The following CCDC149 variants were observed in gnomAD, a reference collection of about 807,000 sequenced individuals.
CCDC149 encodes the protein coiled-coil domain-containing protein 149.
In CCDC149, 45 loss-of-function variants were observed where a neutral mutation model predicts 59.9. The observed-to-expected ratio is 0.75, with a 90% confidence interval of 0.59 to 0.96. CCDC149 has a LOEUF of 0.96. CCDC149 is among the 40% of genes least tolerant of loss of function. CCDC149 has a pLI of 0.00. For missense variants in CCDC149, 584 were observed against 664.7 expected, an observed-to-expected ratio of 0.88 and a Z score of 1.33; for synonymous variants, 245 against 260.6, an observed-to-expected ratio of 0.94 and a Z score of 0.58.
chr4:24,808,749 AG>A lies in CCDC149; in HGVS notation c.1262del (p.Ala421ValfsTer34). Reference sequence around the variant, plus strand: ...CTGGGGAGTTGACAGCGGGCCTCCCAGCATCCTCAGGCGCTGTCAACGCCTC... The same window carrying A: ...CTGGGGAGTTGACAGCGGGCCTCCCACATCCTCAGGCGCTGTCAACGCCTC... On this transcript the variant is annotated frameshift_variant, in exon 13 of 13. Coordinates refer to ENST00000635206, the MANE Select transcript of CCDC149 (RefSeq NM_001330643.2). LOFTEE classifies it low-confidence loss of function (END_TRUNC). 1 of 1,552,006 alleles carries A rather than the reference AG, an allele frequency of 6.4e-7. No individual in the cohort carries two copies. Among genetic ancestry groups the A allele is most frequent in the South Asian group, 1.2e-5 (1 of 84,064 alleles).
intron 1 of CCDC149, among the ~76,000 whole-genome samples, chr4:24,905,927 C>A (rs192977056): frequency 2.6e-5 from 4 of 152,322 alleles, no homozygotes; most frequent in African/African-American, 9.6e-5. Flanking sequence ...CCTGGACTTG[C>A]CCCTTCTCTC....
At chr4:24,839,501 C>T (rs59514139) in intron 4 of CCDC149, among the ~76,000 whole-genome samples, 2,187 of 152,280 alleles carry the variant, frequency 0.014, 51 homozygotes, top group African/African-American at 0.049. Flanking sequence ...CTTTTAAAAT[C>T]TTCATTCACT....
chr4:24,952,595 CAAAAAAAAAAAAAAAAAA>C (rs869310845), intron 1 of CCDC149, among the ~76,000 whole-genome samples: 233 of 41,362 alleles, frequency 5.6e-3, no homozygotes, highest in Non-Finnish European at 7.4e-3. Context: ...AACTCCATCT[CAAAAAAAAAAAAAAAAAA>C]AAAAAAAAAA....
At chr4:24,833,611 G>A (rs535370573) in intron 8 of CCDC149, among the ~76,000 whole-genome samples, 53 of 151,492 alleles carry the variant, frequency 3.5e-4, no homozygotes, top group Non-Finnish European at 6.4e-4. Flanking sequence ...GCAACAGAGT[G>A]AGACTGTCTC....
In CCDC149 at chr4:24,878,597, C is replaced by T. The variant is rs184435209; in HGVS notation, c.64-1900G>A. On this transcript the variant is annotated intron_variant, in intron 1 of 12. Transcript: ENST00000635206. ...GCCCTTGTTCCTCCAGTTCTTTTCC[C>T]GTAATCAGCACCCTTGGTTGTCAGC... Among the ~76,000 whole-genome samples the T allele has an allele frequency of 6.2e-4, 95 of 152,302 alleles. 1 individual carries two copies. The South Asian group carries it at 0.018, about 29-fold the overall frequency.
At chr4:24,876,384 T>G in intron 2 of CCDC149, 152 bp downstream of exon 2, 5 of 689,636 alleles carry the variant, frequency 7.3e-6, no homozygotes, top group East Asian at 2.8e-5. Context: ...ACTGGGTTGT[T>G]GAGGAAATAG....
chr4:24,964,640 G>A (rs1002522208), intron 1 of CCDC149, among the ~76,000 whole-genome samples: 1 of 152,126 alleles, frequency 6.6e-6, no homozygotes, highest in Admixed American at 6.5e-5. Flanking sequence ...GGAGAGAATA[G>A]TGAAAGTGGA....
At chr4:24,819,815 C>T in intron 12 of CCDC149, 44 bp downstream of exon 12, 1 of 1,388,820 alleles carries the variant, frequency 7.2e-7, no homozygotes, top group Non-Finnish European at 1.0e-6. Flanking sequence ...TCCTCTGTGG[C>T]AGGCACAGTC....
Position 24,978,056 on chromosome 4 carries a change from C to G in CCDC149, c.-65+2013G>C, listed in dbSNP as rs555536377. Among the ~76,000 whole-genome samples the G allele has an allele frequency of 1.8e-4, 27 of 152,256 alleles. 1 individual carries two copies. The South Asian group carries it at 5.2e-3, about 29-fold the overall frequency. On this transcript the variant is annotated intron_variant, in intron 1 of 12. Transcript: ENST00000389609. The stretch of plus-strand genomic sequence containing the variant: ...CCGAGGCAGAAGGATTGCTTGAACC[C>G]AAGACTTTGGGGCTGCACTGACCTA...
intron 3 of CCDC149, among the ~76,000 whole-genome samples, chr4:24,857,085 A>G (rs1718060894): frequency 6.6e-6 from 1 of 152,166 alleles, no homozygotes; most frequent in Non-Finnish European, 1.5e-5. Context: ...AAAACGTAAA[A>G]AAAGACAAGG....
intron 1 of CCDC149, among the ~76,000 whole-genome samples, chr4:24,950,126 C>G (rs956035743): frequency 6.6e-6 from 1 of 152,196 alleles, no homozygotes; most frequent in African/African-American, 2.4e-5. Flanking sequence ...GTAAGGACAG[C>G]CTTGACATTC....
intron 1 of CCDC149, among the ~76,000 whole-genome samples, chr4:24,946,372 T>C (rs1723109842): frequency 1.3e-5 from 2 of 152,224 alleles, no homozygotes; most frequent in South Asian, 4.1e-4. Context: ...ATCTCTTGTC[T>C]TCATATGTGT....
chr4:24,918,275 A>T (rs570653481), intron 1 of CCDC149, among the ~76,000 whole-genome samples: 23 of 152,246 alleles, frequency 1.5e-4, no homozygotes, highest in Middle Eastern at 3.4e-3. Flanking sequence ...GGGCTTGGGG[A>T]TGGGGAAAAA....
At chr4:24,831,681 C>A in intron 8 of CCDC149, 31 bp from the exon 9 acceptor site, 1 of 1,595,294 alleles carries the variant, frequency 6.3e-7, no homozygotes, top group Non-Finnish European at 8.6e-7. Flanking sequence ...ATAACTCAGT[C>A]GTCATTCTTC....
At chr4:24,914,616 G>A (rs549890377), upstream of CCDC149, among the ~76,000 whole-genome samples, 110 of 126,382 alleles carry the variant, frequency 8.7e-4, no homozygotes, top group Non-Finnish European at 4.4e-4. Flanking sequence ...ACAAGCACAT[G>A]AGTGAGCCCA....
At chr4:24,916,390 C>CA (rs1722120231), upstream of CCDC149, among the ~76,000 whole-genome samples, 1 of 152,144 alleles carries the variant, frequency 6.6e-6, no homozygotes, top group East Asian at 1.9e-4. Flanking sequence ...AACAAACAAA[C>CA]AAAAAATCTC....
intron 1 of CCDC149, among the ~76,000 whole-genome samples, chr4:24,936,702 C>A (rs1722791810): frequency 1.3e-5 from 2 of 150,380 alleles, no homozygotes; most frequent in African/African-American, 5.0e-5. Flanking sequence ...CCTCCACAGT[C>A]CCCCATTAGG....
At chr4:24,884,496 T>C (rs1356053103) in intron 1 of CCDC149, among the ~76,000 whole-genome samples, 2 of 152,218 alleles carry the variant, frequency 1.3e-5, no homozygotes, top group African/African-American at 4.8e-5. Context: ...AGCTAATAGA[T>C]GGTAATAAGT....
chr4:24,957,431 T>G (rs145719543), intron 1 of CCDC149, among the ~76,000 whole-genome samples: 435 of 152,336 alleles, frequency 2.9e-3, no homozygotes, highest in African/African-American at 9.9e-3. Context: ...CTCAGCCTAC[T>G]GATTTATTGA....
Sources: allele counts gnomAD v4.1 joint callset (sites outside exome capture counted in the v4.1 genomes callset), GRCh38; gene constraint gnomAD v4.1.1; transcripts MANE v1.5; gene names NCBI Gene and HGNC (gene_info 2026-07-23, HGNC 2026-07-21).